The following C9 variants were observed in gnomAD, a reference collection of about 807,000 sequenced individuals.
C9 encodes the protein complement component C9.
Under a neutral mutation model 65.4 loss-of-function variants are expected in C9, and 63 were observed. The observed-to-expected ratio is 0.96, with a 90% confidence interval of 0.79 to 1.19. The LOEUF is 1.19. C9 is among the 50% of genes most tolerant of loss of function. The probability of loss-of-function intolerance (pLI) is 0.00; values close to 1 mark genes in which losing one functional copy is unlikely to be tolerated. For synonymous variants in C9, 229 were observed against 227.9 expected (o/e 1.00, Z -0.04); for missense variants, 744 against 670.1 (o/e 1.11, Z -1.22).
chr5:39,341,324 A>G (rs775455341), intron 3 of C9, 31 bp from the exon 4 acceptor site: 1 of 1,611,714 alleles, frequency 6.2e-7, no homozygotes, highest in African/African-American at 1.3e-5. Context: ...GACTCAATGT[A>G]TCTAATGTCA....
intron 9 of C9, among the ~76,000 whole-genome samples, chr5:39,299,307 A>G (rs531720920): frequency 6.6e-6 from 1 of 152,200 alleles, no homozygotes; most frequent in East Asian, 1.9e-4. Flanking sequence ...ATATCATATG[A>G]CCAAGCAATC....
At chr5:39,334,583 C>T (rs553396181) in intron 4 of C9, among the ~76,000 whole-genome samples, 9 of 149,668 alleles carry the variant, frequency 6.0e-5, no homozygotes, top group South Asian at 4.2e-4. Flanking sequence ...GTCAGCCCCC[C>T]GCCCGGCCAG....
intron 5 of C9, among the ~76,000 whole-genome samples, chr5:39,328,106 C>T (rs1201110964): frequency 6.6e-6 from 1 of 152,142 alleles, no homozygotes; most frequent in Non-Finnish European, 1.5e-5. Context: ...AGCAGAATGT[C>T]TAGCAATGTA....
At chr5:39,300,348 G>T (rs1344756935) in intron 9 of C9, among the ~76,000 whole-genome samples, 1 of 152,142 alleles carries the variant, frequency 6.6e-6, no homozygotes, top group Non-Finnish European at 1.5e-5. Flanking sequence ...GGAGGTGGAG[G>T]TTGCTGTTAG....
rs1016020476 is a variant in C9 at position 39,300,600 on chromosome 5, T to A, written c.1416+6017A>T. ...AGACGTCTGGCAAACATAGGTAATT[T>A]AAAAAAAAAAATTGAGGCAGAAAAC... On this transcript the variant is annotated intron_variant, in intron 9 of 10. Transcript: ENST00000263408. Among the ~76,000 whole-genome samples the A allele has an allele frequency of 1.6e-4, 24 of 147,652 alleles. No individual in the cohort carries two copies. The East Asian group carries it at 1.8e-3, about 11-fold the overall frequency.
In C9 at chr5:39,316,034, A is replaced by G. The variant is rs779818000; in HGVS notation, c.616-5T>C. The G allele has an allele frequency of 7.5e-6, 12 of 1,608,340 alleles. No homozygotes were observed. The African/African-American group carries it at 1.6e-4, about 22-fold the overall frequency. ...GAAATTTTTCTCGCCTTTGGTCTAA[A>G]AGAGAATAAAAAAGTGTTGTTAAAA... On this transcript the variant is annotated splice_region_variant and splice_polypyrimidine_tract_variant and intron_variant, in intron 5 of 10. Coordinates refer to ENST00000263408, the MANE Select transcript of C9 (RefSeq NM_001737.5).
chr5:39,316,931 C>G (rs1753578670), intron 5 of C9, among the ~76,000 whole-genome samples: 1 of 152,192 alleles, frequency 6.6e-6, no homozygotes, highest in African/African-American at 2.4e-5. Flanking sequence ...ACACTGTCTT[C>G]CACAATAGTT....
At chr5:39,311,616 A>G (rs1029218141) in intron 6 of C9, among the ~76,000 whole-genome samples, 8 of 152,252 alleles carry the variant, frequency 5.3e-5, no homozygotes, top group Non-Finnish European at 1.0e-4. Context: ...ACTTTGAAGA[A>G]CTGTGTGGCA....
intron 10 of C9, 68 bp from the exon 11 acceptor site, chr5:39,285,301 T>C (rs747455321): frequency 2.1e-5 from 26 of 1,247,766 alleles, no homozygotes; most frequent in Non-Finnish European, 2.8e-5. Flanking sequence ...CATCCACCCA[T>C]CCGCTTTTTC....
chr5:39,342,755 T>G (rs1160253552), intron 1 of C9, among the ~76,000 whole-genome samples: 1 of 152,148 alleles, frequency 6.6e-6, no homozygotes, highest in Non-Finnish European at 1.5e-5. Context: ...ACTTCACACT[T>G]CACTTCAGGA....
chr5:39,332,540 C>A (rs1437453234), intron 4 of C9, among the ~76,000 whole-genome samples: 2 of 152,166 alleles, frequency 1.3e-5, no homozygotes, highest in Non-Finnish European at 2.9e-5. Flanking sequence ...AATATATGAA[C>A]TAGAAGCAGT....
chr5:39,308,400 C>A, intron 7 of C9, 42 bp from the exon 8 acceptor site: 2 of 1,464,562 alleles, frequency 1.4e-6, no homozygotes, highest in Non-Finnish European at 1.9e-6. Flanking sequence ...ATAATGTCTA[C>A]CAACATCACA....
intron 1 of C9, among the ~76,000 whole-genome samples, chr5:39,347,470 G>A (rs1224825055): frequency 6.6e-6 from 1 of 152,206 alleles, no homozygotes; most frequent in East Asian, 1.9e-4. Flanking sequence ...TACAAAGGAT[G>A]TGGAGGACCT....
In C9 at chr5:39,293,739, G is replaced by C. The variant is rs150496612; in HGVS notation, c.1417-4788C>G. On this transcript the variant is annotated intron_variant, in intron 9 of 10. Coordinates refer to ENST00000263408, the MANE Select transcript of C9 (RefSeq NM_001737.5). The stretch of plus-strand genomic sequence containing the variant: ...GACATTTACAGAACTTTTTGCCCAA[G>C]AGCTGCAGAGGGCACATTCTTTTAA... 1.4e-3 allele frequency among the ~76,000 whole-genome samples: 207 copies of C among 151,976 alleles called. 1 individual carries two copies. In the South Asian group the frequency reaches 0.028, roughly 20 times the overall value.
At chr5:39,337,126 A>C (rs1009005107) in intron 4 of C9, among the ~76,000 whole-genome samples, 3 of 152,332 alleles carry the variant, frequency 2.0e-5, no homozygotes, top group East Asian at 3.9e-4. Flanking sequence ...CTGAATTGTC[A>C]TGCTTATTAA....
chr5:39,314,304 C>T (rs10054433), intron 6 of C9, among the ~76,000 whole-genome samples: 4,484 of 151,858 alleles, frequency 0.03, 202 homozygotes, highest in African/African-American at 0.1. Flanking sequence ...ACAAAATTAG[C>T]CAGGCGTGGT....
intron 10 of C9, 128 bp downstream of exon 10, chr5:39,288,594 AT>A: frequency 1.5e-6 from 1 of 649,450 alleles, no homozygotes; most frequent in East Asian, 2.8e-5. Context: ...TATTCACTCA[AT>A]CTTTATCTTC....
intron 1 of C9, among the ~76,000 whole-genome samples, chr5:39,358,329 G>A (rs558854880): frequency 6.6e-6 from 1 of 152,256 alleles, no homozygotes; most frequent in East Asian, 1.9e-4. Flanking sequence ...CAAGCTAAGG[G>A]AAAAATAAGT....
In C9 at chr5:39,334,595, T is replaced by C. The variant is rs1368883356; in HGVS notation, c.477-2781A>G. ...GGGGTCAGCCCCCCGCCCGGCCAGC[T>C]GCCCCGTCTGGGAGGTGAGGGGCGC... On this transcript the variant is annotated intron_variant, in intron 4 of 10. Transcript: ENST00000263408. 3.3e-3 allele frequency among the ~76,000 whole-genome samples: 455 copies of C among 137,294 alleles called. 3 individuals carry two copies. Among genetic ancestry groups the C allele is most frequent in the African/African-American group, 0.013 (410 of 32,218 alleles). The allele number at this position is 137,294 out of a possible 152,430, so 90.1% of individuals were successfully genotyped here. A position where few individuals can be genotyped will look rare whatever the true frequency, so the allele number is the denominator to read the frequency against.
Sources: gnomAD v4.1 joint callset for allele counts (sites outside exome capture counted in the v4.1 genomes callset) on GRCh38, gnomAD v4.1.1 for gene constraint, MANE v1.5 for transcripts, NCBI Gene and HGNC (gene_info 2026-07-23, HGNC 2026-07-21) for gene names.